TMEM178A: variants seen among roughly 807,000 people sequenced by gnomAD.
TMEM178A encodes the protein transmembrane protein 178.
In TMEM178A, 12 loss-of-function variants were observed where a neutral mutation model predicts 29.1. That is an observed-to-expected ratio of 0.41 (90% CI 0.26 to 0.67). TMEM178A has a LOEUF of 0.67. Among genes scored for constraint, TMEM178A ranks in the 30% least tolerant of loss-of-function variants. TMEM178A has a pLI of 0.29. For missense variants in TMEM178A, 366 were observed against 419.1 expected (o/e 0.87, Z 1.11); for synonymous variants, 210 against 187.2 (o/e 1.12, Z -0.99).
intron 3 of TMEM178A, among the ~76,000 whole-genome samples, chr2:39,714,247 A>T (rs2148117990): frequency 6.6e-6 from 1 of 152,166 alleles, no homozygotes; most frequent in East Asian, 1.9e-4. Flanking sequence ...GAGAGAGGGG[A>T]TGGATTTTTG....
In TMEM178A at chr2:39,666,305, T is replaced by C; in HGVS notation, c.331T>C (p.Tyr111His). 1 of 1,436,248 alleles carries C rather than the reference T, an allele frequency of 7.0e-7. No individual in the cohort carries two copies. Among genetic ancestry groups the C allele is most frequent in the Non-Finnish European group, 9.1e-7 (1 of 1,094,016 alleles). 89.0% of individuals were successfully genotyped at this position (1,436,248 alleles called of 1,614,324 possible). A position where few individuals can be genotyped will look rare whatever the true frequency, so the allele number is the denominator to read the frequency against. Residue 111 changes from tyrosine (Y) to histidine (H), a missense_variant, in exon 1 of 4, where the codon TAC (tyrosine) becomes CAC (histidine). Coordinates refer to ENST00000281961, the MANE Select transcript of TMEM178A (RefSeq NM_152390.3). ...GTGCGGCCGGCCCCTCTTCGCCACCTACTCGGGCCTCTGGAGGAAGTGCTA... is the reference window on the plus strand; with the variant it reads ...GTGCGGCCGGCCCCTCTTCGCCACCCACTCGGGCCTCTGGAGGAAGTGCTA... Reference protein sequence around the residue: ...AECGRPLFATYSGLWRKCYFL... With the variant: ...AECGRPLFATHSGLWRKCYFL...
At chr2:39,711,658 A>T (rs1041256500) in intron 3 of TMEM178A, among the ~76,000 whole-genome samples, 2 of 152,174 alleles carry the variant, frequency 1.3e-5, no homozygotes, top group Admixed American at 1.3e-4. Flanking sequence ...ATTTTTTTTA[A>T]AAAAAGACTC....
chr2:39,725,498 CT>C, the TMEM178A span, among the ~76,000 whole-genome samples: 436 of 152,174 alleles, frequency 2.9e-3, 1 homozygote, highest in Non-Finnish European at 4.3e-3. Context: ...TTCTTGTTTC[CT>C]TTTGACAATG....
At chr2:39,680,992 C>G (rs931489407) in intron 1 of TMEM178A, among the ~76,000 whole-genome samples, 31 of 151,766 alleles carry the variant, frequency 2.0e-4, no homozygotes, top group Admixed American at 2.0e-3. Flanking sequence ...ATTTCAATTT[C>G]TTTGTTTTTT....
intron 1 of TMEM178A, among the ~76,000 whole-genome samples, chr2:39,687,675 T>C (rs566683238): frequency 1.3e-5 from 2 of 152,348 alleles, no homozygotes; most frequent in African/African-American, 4.8e-5. Flanking sequence ...TTGAGTCTGT[T>C]TCTGCTTCAG....
chr2:39,692,677 T>C (rs959304007), intron 1 of TMEM178A, among the ~76,000 whole-genome samples: 4 of 152,220 alleles, frequency 2.6e-5, no homozygotes, highest in Non-Finnish European at 5.9e-5. Flanking sequence ...TTATTAAGCG[T>C]CAACTATGGG....
chr2:39,714,969 A>G (rs1309996806), intron 3 of TMEM178A, among the ~76,000 whole-genome samples: 2 of 152,130 alleles, frequency 1.3e-5, no homozygotes, highest in East Asian at 3.9e-4. Flanking sequence ...GAAATTTGAC[A>G]CTCTTAGGGA....
At chr2:39,709,667 T>C (rs1477167936) in intron 3 of TMEM178A, among the ~76,000 whole-genome samples, 4 of 152,158 alleles carry the variant, frequency 2.6e-5, no homozygotes, top group Admixed American at 2.6e-4. Context: ...TTTTCTTCTC[T>C]CCCTTTATTT....
At chr2:39,706,298 G>T (rs1475447534) in intron 2 of TMEM178A, among the ~76,000 whole-genome samples, 1 of 152,182 alleles carries the variant, frequency 6.6e-6, no homozygotes, top group East Asian at 1.9e-4. Context: ...TATTGGACTA[G>T]TACTTCCTTC....
intron 3 of TMEM178A, among the ~76,000 whole-genome samples, chr2:39,713,412 A>G (rs905192794): frequency 1.2e-4 from 18 of 152,230 alleles, no homozygotes; most frequent in Admixed American, 9.8e-4. Context: ...GTCCCCTCAA[A>G]TACACTTGTT....
At chr2:39,708,579 C>G (rs538566523) in intron 3 of TMEM178A, among the ~76,000 whole-genome samples, 9 of 150,794 alleles carry the variant, frequency 6.0e-5, no homozygotes, top group Non-Finnish European at 1.0e-4. Flanking sequence ...CCACCATGCC[C>G]GGCTAATTTT....
chr2:39,699,512 A>G (rs1223510873), intron 1 of TMEM178A, among the ~76,000 whole-genome samples: 3 of 151,762 alleles, frequency 2.0e-5, no homozygotes, highest in Non-Finnish European at 4.4e-5. Context: ...GCTGGAGTGC[A>G]GTGGTGCAAT....
At chr2:39,669,205 C>G (rs1174750210) in intron 1 of TMEM178A, among the ~76,000 whole-genome samples, 1 of 152,022 alleles carries the variant, frequency 6.6e-6, no homozygotes, top group East Asian at 1.9e-4. Context: ...TTCTGAGAGG[C>G]AAAGATGTCA....
chr2:39,734,965 T>C, the TMEM178A span, among the ~76,000 whole-genome samples: 1 of 152,196 alleles, frequency 6.6e-6, no homozygotes, highest in East Asian at 1.9e-4. Context: ...AAGCTACCAT[T>C]TTCTTTTGCC....
chr2:39,728,122 C>T, the TMEM178A span, among the ~76,000 whole-genome samples: 1 of 152,122 alleles, frequency 6.6e-6, no homozygotes, highest in African/African-American at 2.4e-5. Context: ...GTTCTAGATC[C>T]TCCAGGAATC....
chr2:39,683,045 A>G (rs1211008523), intron 1 of TMEM178A, among the ~76,000 whole-genome samples: 2 of 152,252 alleles, frequency 1.3e-5, no homozygotes, highest in Non-Finnish European at 2.9e-5. Context: ...CAGAACTTCT[A>G]GTTAATTGTT....
At chr2:39,708,282 T>C (rs1672128206) in intron 3 of TMEM178A, among the ~76,000 whole-genome samples, 1 of 151,604 alleles carries the variant, frequency 6.6e-6, no homozygotes, top group South Asian at 2.1e-4. Flanking sequence ...CAGGATAGTA[T>C]CACATGAGGT....
chr2:39,708,982 C>T (rs1015728779), intron 3 of TMEM178A, among the ~76,000 whole-genome samples: 9 of 152,206 alleles, frequency 5.9e-5, no homozygotes, highest in Non-Finnish European at 1.0e-4. Context: ...TAATATTCCC[C>T]GAGATAGATA....
At chr2:39,693,113 C>A (rs1197665918) in intron 1 of TMEM178A, among the ~76,000 whole-genome samples, 2 of 151,590 alleles carry the variant, frequency 1.3e-5, no homozygotes, top group African/African-American at 2.4e-5. Context: ...GACTCTGTTT[C>A]AAAAAACAAA....
Sources: allele counts gnomAD v4.1 joint callset (sites outside exome capture counted in the v4.1 genomes callset), GRCh38; gene constraint gnomAD v4.1.1; transcripts MANE v1.5; gene names NCBI Gene and HGNC (gene_info 2026-07-23, HGNC 2026-07-21).